The following RC3H2 variants were observed in gnomAD, a reference collection of about 807,000 sequenced individuals.
RC3H2 encodes ring finger and CCCH-type domains 2.
RC3H2 carries 31 observed loss-of-function variants against 133.3 expected under a neutral mutation model. That is an observed-to-expected ratio of 0.23 (90% CI 0.17 to 0.31). The LOEUF (loss-of-function observed/expected upper bound fraction) is 0.31, where lower values mean the gene tolerates loss of function less well. RC3H2 is among the 10% of genes least tolerant of loss of function. RC3H2 has a pLI of 1.00. For synonymous variants in RC3H2, 517 were observed against 502.2 expected (o/e 1.03, Z -0.40); for missense variants, 1,175 against 1,437.2 (o/e 0.82, Z 2.95).
At chr9:122,884,958 AGAC>A (rs1323062774) in intron 4 of RC3H2, among the ~76,000 whole-genome samples, 1 of 152,216 alleles carries the variant, frequency 6.6e-6, no homozygotes, top group East Asian at 1.9e-4. Flanking sequence ...TCCAGAATAA[AGAC>A]GACTAAAAAG....
chr9:122,877,372 T>G, intron 9 of RC3H2, 99 bp downstream of exon 9: 1 of 921,232 alleles, frequency 1.1e-6, no homozygotes, highest in South Asian at 1.5e-5. Flanking sequence ...AGCCCTTAAC[T>G]TGCATTTTTG....
At chr9:122,854,335 T>C in intron 16 of RC3H2, 69 bp from the exon 17 acceptor site, 4 of 1,349,148 alleles carry the variant, frequency 3.0e-6, no homozygotes, top group Non-Finnish European at 4.2e-6. Flanking sequence ...GTAATAACCA[T>C]ATGTTTTATG....
chr9:122,872,044 T>C (rs919567423), intron 9 of RC3H2, among the ~76,000 whole-genome samples: 2 of 151,816 alleles, frequency 1.3e-5, no homozygotes, highest in Admixed American at 6.6e-5. Flanking sequence ...TTTCAAAGTA[T>C]TGGAATTACA....
chr9:122,898,470 C>T (rs1009662372), intron 1 of RC3H2, among the ~76,000 whole-genome samples: 5 of 152,094 alleles, frequency 3.3e-5, no homozygotes, highest in Admixed American at 1.3e-4. Flanking sequence ...AATGTTCCTG[C>T]TGGGCGTGGT....
intron 9 of RC3H2, among the ~76,000 whole-genome samples, chr9:122,876,174 C>T (rs564693063): frequency 1.3e-5 from 2 of 152,196 alleles, no homozygotes; most frequent in Admixed American, 1.3e-4. Flanking sequence ...GGAAGGACAG[C>T]TGACAAATAT....
intron 4 of RC3H2, among the ~76,000 whole-genome samples, chr9:122,888,241 G>A (rs1245343834): frequency 2.0e-5 from 3 of 152,096 alleles, no homozygotes; most frequent in African/African-American, 7.2e-5. Context: ...AAAACACTGT[G>A]TTCTAAAGTA....
chr9:122,881,536 A>C (rs2131464157), intron 5 of RC3H2, among the ~76,000 whole-genome samples: 1 of 152,292 alleles, frequency 6.6e-6, no homozygotes, highest in Middle Eastern at 3.4e-3. Flanking sequence ...GTGAAACAGA[A>C]ACATGAAAAA....
In RC3H2 at chr9:122,855,282, C is replaced by T; in HGVS notation, c.2717G>A (p.Gly906Asp). Residue 906 changes from glycine (G) to aspartate (D), a missense_variant, in exon 15 of 21, where the codon GGT becomes GAT. This residue lies in a region of RC3H2 where 138 missense variants were observed against 215.0 expected (regional missense o/e 0.64). Transcript: ENST00000357244. ...FSDGPIISKW[G>D]AISRSSRTGY... ...TGTACGGGAAGATCTGGAAATCGCACCCCATTTTGAGATGATGGGTCCATC... is the reference window on the plus strand; with the variant it reads ...TGTACGGGAAGATCTGGAAATCGCATCCCATTTTGAGATGATGGGTCCATC... 1 of 1,614,130 alleles carries T rather than the reference C, an allele frequency of 6.2e-7. No homozygotes were observed. The highest frequency in any genetic ancestry group is 8.5e-7 in the Non-Finnish European group (1 of 1,180,024).
chr9:122,904,337 T>C (rs1200636732), intron 1 of RC3H2, among the ~76,000 whole-genome samples: 1 of 152,224 alleles, frequency 6.6e-6, no homozygotes, highest in Non-Finnish European at 1.5e-5. Context: ...GCCGGTATCT[T>C]AAACGGCTGC....
chr9:122,898,631 T>C (rs899142926), intron 1 of RC3H2, among the ~76,000 whole-genome samples: 2 of 151,636 alleles, frequency 1.3e-5, no homozygotes, highest in African/African-American at 4.9e-5. Context: ...TGCCTGTAAT[T>C]CCAGCTACTA....
At chr9:122,896,004 T>C (rs1331312337) in intron 2 of RC3H2, among the ~76,000 whole-genome samples, 4 of 151,802 alleles carry the variant, frequency 2.6e-5, no homozygotes, top group Admixed American at 6.6e-5. Flanking sequence ...TCCCCCCTAA[T>C]GTTCAACTAA....
At chr9:122,890,255 T>A (rs555397589) in intron 4 of RC3H2, 57 bp downstream of exon 4, 30 of 1,298,480 alleles carry the variant, frequency 2.3e-5, no homozygotes, top group Admixed American at 7.2e-5. Context: ...GCTCCAGAAA[T>A]TGGCATCCTC....
At chr9:122,888,060 T>C (rs1388725122) in intron 4 of RC3H2, among the ~76,000 whole-genome samples, 2 of 152,162 alleles carry the variant, frequency 1.3e-5, no homozygotes, top group African/African-American at 4.8e-5. Context: ...TCTTTTTTTT[T>C]AAATGCTGAA....
chr9:122,861,413 C>T (rs1267391594), intron 10 of RC3H2, among the ~76,000 whole-genome samples: 5 of 150,878 alleles, frequency 3.3e-5, no homozygotes, highest in African/African-American at 9.8e-5. Flanking sequence ...TCGCTTGAAC[C>T]CAGGAGGCGG....
At position 122,844,565 on chromosome 9, in the gene RC3H2, G is replaced by C. The variant is rs1366540033; in HGVS notation, c.*5062C>G. 6.6e-6 allele frequency: 1 copy of C among 152,246 alleles called. No individual in the cohort carries two copies. Among genetic ancestry groups the C allele is most frequent in the East Asian group, 1.9e-4 (1 of 5,192 alleles). The allele number at this position is 152,246 out of a possible 1,614,324, so 9.4% of individuals were successfully genotyped here. ...ACATTAAACAAACAACTTTTAAGGT[G>C]GACAAATAATTTTATTTTGTGCATG... On this transcript the variant is annotated 3_prime_UTR_variant, in exon 21 of 21. Transcript: ENST00000357244.
In RC3H2 at chr9:122,879,976, A is replaced by G. The variant is rs916930599; in HGVS notation, c.1093+17T>C. 1 of 1,613,818 alleles carries G rather than the reference A, an allele frequency of 6.2e-7. No homozygotes were observed. The highest frequency in any genetic ancestry group is 1.1e-5 in the South Asian group (1 of 91,016). On this transcript the variant is annotated intron_variant, in intron 7 of 20. Transcript: ENST00000357244. ...AAGTAGAAAAAAATATAAGCAACTG[A>G]GCATATTCCCACATACCTGGATTAG...
chr9:122,854,440 C>G, intron 16 of RC3H2, 91 bp downstream of exon 16: 3 of 1,203,372 alleles, frequency 2.5e-6, no homozygotes, highest in South Asian at 2.5e-5. Context: ...ACAAGCAAAG[C>G]ACATTTCATG....
At chr9:122,891,764 T>G (rs1040829756) in intron 3 of RC3H2, among the ~76,000 whole-genome samples, 4 of 152,196 alleles carry the variant, frequency 2.6e-5, no homozygotes, top group Admixed American at 2.0e-4. Flanking sequence ...TACACAACAG[T>G]GCAAAGCATT....
chr9:122,905,284 G>C lies in RC3H2; in HGVS notation c.-242C>G, dbSNP rs935217369. 2 of 985,810 alleles carry C rather than the reference G, an allele frequency of 2.0e-6. No individual in the cohort carries two copies. The highest frequency in any genetic ancestry group is 1.2e-6 in the Non-Finnish European group (1 of 830,168). The allele number at this position is 985,810 out of a possible 1,614,324, so 61.1% of individuals were successfully genotyped here. A position where few individuals can be genotyped will look rare whatever the true frequency, so the allele number is the denominator to read the frequency against. ...CGTTGGCGGCGGCGAAGGCCGCGAC[G>C]GGGCCTCCTCCTCCTCCCTCCACCT... On this transcript the variant is annotated 5_prime_UTR_variant, in exon 1 of 21. Transcript: ENST00000357244.
Sources: allele counts gnomAD v4.1 joint callset (sites outside exome capture counted in the v4.1 genomes callset), GRCh38; gene constraint gnomAD v4.1.1; regional missense constraint gnomAD v4.1.1; transcripts MANE v1.5; gene names NCBI Gene and HGNC (gene_info 2026-07-23, HGNC 2026-07-21).